The following IFT43 variants were observed in gnomAD, a reference collection of about 807,000 sequenced individuals.
IFT43 encodes intraflagellar transport protein 43 homolog.
Under a neutral mutation model 32.3 loss-of-function variants are expected in IFT43, and 33 were observed. The observed-to-expected ratio is 1.02, with a 90% CI of 0.77 to 1.37. IFT43 has a LOEUF of 1.37. IFT43 is among the 40% of genes most tolerant of loss of function. The pLI, the probability that IFT43 is intolerant of heterozygous loss-of-function variation, is 0.00. For synonymous variants in IFT43, 93 were observed against 98.2 expected, an observed-to-expected ratio of 0.95 and a Z score of 0.31; for missense variants, 274 against 265.9, an observed-to-expected ratio of 1.03 and a Z score of -0.21.
chr14:76,051,119 A>C (rs2036906649), intron 3 of IFT43, among the ~76,000 whole-genome samples: 1 of 151,192 alleles, frequency 6.6e-6, no homozygotes, highest in South Asian at 2.1e-4. Context: ...GGCAGGAGCT[A>C]AATATGATCT....
At chr14:76,019,752 ATTCTTTT>A (rs1288212050) in intron 2 of IFT43, among the ~76,000 whole-genome samples, 1 of 152,000 alleles carries the variant, frequency 6.6e-6, no homozygotes, top group African/African-American at 2.4e-5. Context: ...GGCTTCCTTT[ATTCTTTT>A]TTCTTTTTTG....
In IFT43 at chr14:76,082,338, CT is replaced by C. The variant is rs748454643; in HGVS notation, c.342del (p.Phe114LeufsTer13). On this transcript the variant is annotated frameshift_variant, in exon 6 of 9. Coordinates refer to ENST00000314067, the MANE Select transcript of IFT43 (RefSeq NM_001102564.3). LOFTEE classifies it high-confidence loss of function. Reference sequence around the variant, plus strand: ...ATCTGGAGGAAGTACAGGAAGAAGACTTTGTTTTGCAGGTGGCAGCCCCTCC... The same window carrying C: ...ATCTGGAGGAAGTACAGGAAGAAGACTTGTTTTGCAGGTGGCAGCCCCTCC... ...PDLEEVQEEDFVLQVAAPPSI... is the reference protein window; with the variant it reads ...PDLEEVQEEDXVLQVAAPPSI... 4.3e-6 allele frequency: 7 copies of C among 1,613,460 alleles called. No individual in the cohort carries two copies. Among genetic ancestry groups the C allele is most frequent in the Non-Finnish European group, 5.9e-6 (7 of 1,179,466 alleles).
intron 2 of IFT43, among the ~76,000 whole-genome samples, chr14:76,018,488 T>C (rs2036230968): frequency 6.6e-6 from 1 of 152,218 alleles, no homozygotes; most frequent in Non-Finnish European, 1.5e-5. Context: ...TTCTGGAGAA[T>C]GTTCCACGTG....
chr14:76,004,117 T>G (rs2035939739), intron 2 of IFT43, among the ~76,000 whole-genome samples: 1 of 152,188 alleles, frequency 6.6e-6, no homozygotes, highest in Non-Finnish European at 1.5e-5. Context: ...CTGAGAGATA[T>G]TCTGCCTTTT....
chr14:76,029,851 T>TTTTTATTTTTA (rs1555365089), intron 3 of IFT43, among the ~76,000 whole-genome samples: 3 of 117,462 alleles, frequency 2.6e-5, no homozygotes, highest in Admixed American at 1.8e-4. Flanking sequence ...TTTATTTTTA[T>TTTTTATTTTTA]TTTTATTTTA....
intron 5 of IFT43, among the ~76,000 whole-genome samples, chr14:76,072,505 G>T (rs920365270): frequency 6.6e-6 from 1 of 152,152 alleles, no homozygotes; most frequent in Non-Finnish European, 1.5e-5. Context: ...ACGTCTCCGG[G>T]ATTCCATTTT....
At chr14:76,000,448 A>C (rs1310161087) in intron 2 of IFT43, among the ~76,000 whole-genome samples, 1 of 143,052 alleles carries the variant, frequency 7.0e-6, no homozygotes, top group Non-Finnish European at 1.5e-5. Flanking sequence ...TTTTTTTTGT[A>C]TTTTTAGTAG....
intron 2 of IFT43, among the ~76,000 whole-genome samples, chr14:76,000,168 T>C (rs2139894964): frequency 6.6e-6 from 1 of 152,354 alleles, no homozygotes; most frequent in East Asian, 1.9e-4. Flanking sequence ...CCTTTTATAC[T>C]TAAATGCATT....
intron 3 of IFT43, among the ~76,000 whole-genome samples, chr14:76,042,168 G>T (rs1209102710): frequency 2.0e-5 from 3 of 151,568 alleles, no homozygotes; most frequent in Non-Finnish European, 4.4e-5. Context: ...GCTGGCCACT[G>T]TGCTAAACAC....
At chr14:76,007,178 G>T (rs2035995350) in intron 2 of IFT43, among the ~76,000 whole-genome samples, 1 of 152,134 alleles carries the variant, frequency 6.6e-6, no homozygotes, top group Admixed American at 6.6e-5. Flanking sequence ...TTTTCAAATG[G>T]TATATAGTAG....
intron 3 of IFT43, among the ~76,000 whole-genome samples, chr14:76,034,346 C>T (rs2036560553): frequency 6.6e-6 from 1 of 152,098 alleles, no homozygotes; most frequent in South Asian, 2.1e-4. Flanking sequence ...TTCCTTGTCC[C>T]CATCATGAGG....
At chr14:76,029,234 CAT>C (rs1350220573) in intron 3 of IFT43, among the ~76,000 whole-genome samples, 1 of 152,180 alleles carries the variant, frequency 6.6e-6, no homozygotes. Context: ...AGCATTTATT[CAT>C]ATGTTTGTTG....
At chr14:76,068,872 G>A (rs1382967144) in intron 5 of IFT43, among the ~76,000 whole-genome samples, 1 of 152,176 alleles carries the variant, frequency 6.6e-6, no homozygotes, top group Non-Finnish European at 1.5e-5. Flanking sequence ...GCATGGGGAC[G>A]TGATGATGAG....
chr14:75,999,879 G>C (rs2035849848), intron 2 of IFT43, among the ~76,000 whole-genome samples: 1 of 152,190 alleles, frequency 6.6e-6, no homozygotes, highest in South Asian at 2.1e-4. Context: ...CTATGTTGTA[G>C]GGAGCCCACA....
At chr14:76,079,615 T>A (rs1418824956) in intron 5 of IFT43, among the ~76,000 whole-genome samples, 1 of 152,214 alleles carries the variant, frequency 6.6e-6, no homozygotes, top group Non-Finnish European at 1.5e-5. Context: ...GCTGTTCATG[T>A]TCTTCTCCGT....
chr14:76,003,340 T>C (rs1455046608), intron 2 of IFT43, among the ~76,000 whole-genome samples: 1 of 152,154 alleles, frequency 6.6e-6, no homozygotes, highest in Non-Finnish European at 1.5e-5. Flanking sequence ...TATTATACCA[T>C]GGCCGGGTTT....
chr14:75,988,306 G>A (rs780811723), intron 1 of IFT43, among the ~76,000 whole-genome samples: 6 of 152,024 alleles, frequency 3.9e-5, no homozygotes, highest in Admixed American at 2.0e-4. Flanking sequence ...TTGAGCCTAG[G>A]GGGTGGAGGC....
At chr14:76,002,373 G>T (rs1451477104) in intron 2 of IFT43, among the ~76,000 whole-genome samples, 1 of 152,130 alleles carries the variant, frequency 6.6e-6, no homozygotes, top group Admixed American at 6.5e-5. Context: ...GTAAGGGGGG[G>T]GGTGGCATGA....
In IFT43 at chr14:75,985,800, T is replaced by C. The variant is rs984346840; in HGVS notation, c.14T>C (p.Leu5Pro). Residue 5 changes from leucine (L) to proline (P), a missense_variant, in exon 1 of 9, where the codon CTC (leucine) becomes CCC (proline). Transcript: ENST00000314067. ...GCGGCCGCGGAGATGGAGGATTTGC[T>C]CGACTTGGACGAGGAGCTTCGCTAC... MEDL[L>P]DLDEELRYSL... The C allele has an allele frequency of 6.2e-7, 1 of 1,614,144 alleles. No homozygotes were observed. The highest frequency in any genetic ancestry group is 2.2e-5 in the East Asian group (1 of 44,880).
Sources: gnomAD v4.1 joint callset for allele counts (sites outside exome capture counted in the v4.1 genomes callset) on GRCh38, gnomAD v4.1.1 for gene constraint, MANE v1.5 for transcripts, NCBI Gene and HGNC (gene_info 2026-07-23, HGNC 2026-07-21) for gene names.